COL5A2: variants seen among roughly 807,000 people sequenced by gnomAD.
The protein encoded by COL5A2 is collagen type V alpha 2 chain.
COL5A2 carries 23 observed loss-of-function variants against 208.2 expected under a neutral mutation model. The observed-to-expected ratio is 0.11, with a 90% CI of 0.08 to 0.16. COL5A2 has a LOEUF of 0.16. Among genes scored for constraint, COL5A2 ranks in the 10% least tolerant of loss-of-function variants. COL5A2 has a pLI of 1.00. For missense variants in COL5A2, 1,590 were observed against 1,956.4 expected (o/e 0.81, Z 3.53); for synonymous variants, 625 against 628.5 (o/e 0.99, Z 0.08).
chr2:189,155,171 A>T (rs1688220564), intron 1 of COL5A2, among the ~76,000 whole-genome samples: 1 of 151,660 alleles, frequency 6.6e-6, no homozygotes, highest in African/African-American at 2.4e-5. Context: ...TTTTTTTTGT[A>T]GAGACAGTAT....
intron 1 of COL5A2, among the ~76,000 whole-genome samples, chr2:189,160,703 G>A (rs1226277872): frequency 1.3e-5 from 2 of 151,798 alleles, no homozygotes; most frequent in Non-Finnish European, 2.9e-5. Flanking sequence ...TAATAATAAT[G>A]TCTTCCTACC....
chr2:189,245,474 T>C, the COL5A2 span, among the ~76,000 whole-genome samples: 4 of 139,406 alleles, frequency 2.9e-5, no homozygotes, highest in South Asian at 9.3e-4. Flanking sequence ...AATTAAGGTA[T>C]ACTCAAAATT....
At chr2:189,036,545 A>T in intron 52 of COL5A2, 71 bp downstream of exon 52, 1 of 1,321,292 alleles carries the variant, frequency 7.6e-7, no homozygotes, top group Non-Finnish European at 1.1e-6. Flanking sequence ...GCAAAGTCCT[A>T]AATAAATCAA....
chr2:189,104,929 T>A (rs572227687), intron 2 of COL5A2, among the ~76,000 whole-genome samples: 11 of 151,968 alleles, frequency 7.2e-5, no homozygotes, highest in Admixed American at 3.9e-4. Context: ...TTAATTTTTT[T>A]ATAAGATTCC....
At chr2:189,323,619 G>A in the COL5A2 span, among the ~76,000 whole-genome samples, 3 of 152,174 alleles carry the variant, frequency 2.0e-5, no homozygotes, top group African/African-American at 7.2e-5. Context: ...TACTAGGGAT[G>A]TGAAGGACCT....
chr2:189,271,235 T>C, the COL5A2 span, among the ~76,000 whole-genome samples: 1 of 152,138 alleles, frequency 6.6e-6, no homozygotes, highest in Non-Finnish European at 1.5e-5. Context: ...GCTGGAGCCA[T>C]CACGCTACCT....
rs1475564813 is a variant in COL5A2 at position 189,039,504 on chromosome 2, A to G, written c.3693T>C (p.Ala1231=). 6.2e-7 allele frequency: 1 copy of G among 1,614,094 alleles called. No individual in the cohort carries two copies. The highest frequency in any genetic ancestry group is 8.5e-7 in the Non-Finnish European group (1 of 1,180,034). Residue 1231 remains alanine (A), a synonymous_variant, in exon 51 of 54, where the codon GCT becomes GCC. Transcript: ENST00000374866. ...AGTGCCCCATGATATCCCCAAGAGC[A>G]GCTGTAAGGTGGCCAGGGGGACCCG... ...GPPGPPGHLT[A]ALGDIMGHYD...
rs534664552 is a variant in COL5A2, at chr2:189,081,280, C to T, written c.853-237G>A. Among the ~76,000 whole-genome samples, 13 of 152,060 alleles carry T rather than the reference C, an allele frequency of 8.5e-5. No homozygotes were observed. In the East Asian group the frequency reaches 2.3e-3, roughly 27 times the overall value. On this transcript the variant is annotated intron_variant, in intron 12 of 53. Transcript: ENST00000374866. The stretch of plus-strand genomic sequence containing the variant: ...ACTTATACAAGGATACAAAGTAATG[C>T]CAGGTATTGAGTTCATGACATTTTG...
rs1057522404 is a variant in COL5A2 at position 189,042,789 on chromosome 2, A to G, written c.3472-16T>C. The stretch of plus-strand genomic sequence containing the variant: ...CATTTGGACCCTAAGTAGGAATACA[A>G]TAAAAAATGTTGCCAAAATATTTGG... On this transcript the variant is annotated splice_polypyrimidine_tract_variant and intron_variant, in intron 48 of 53. Coordinates refer to ENST00000374866, the MANE Select transcript of COL5A2 (RefSeq NM_000393.5). 1.2e-6 allele frequency: 2 copies of G among 1,600,772 alleles called. No individual in the cohort carries two copies. The highest frequency in any genetic ancestry group is 2.7e-5 in the African/African-American group (2 of 74,858).
chr2:189,266,972 A>G, the COL5A2 span, among the ~76,000 whole-genome samples: 1 of 151,358 alleles, frequency 6.6e-6, no homozygotes, highest in Admixed American at 6.6e-5. Context: ...AATAAATATT[A>G]TATTAAAACA....
the COL5A2 span, among the ~76,000 whole-genome samples, chr2:189,254,201 A>G: frequency 6.6e-6 from 1 of 152,244 alleles, no homozygotes; most frequent in Non-Finnish European, 1.5e-5. Flanking sequence ...CTTTCCAAAA[A>G]GTAAAACTCA....
the COL5A2 span, among the ~76,000 whole-genome samples, chr2:189,265,496 A>G: frequency 0.011 from 1,612 of 152,222 alleles, 34 homozygotes; most frequent in African/African-American, 0.036. Context: ...CTTTTCTTAT[A>G]AAGACACCAG....
intron 1 of COL5A2, among the ~76,000 whole-genome samples, chr2:189,111,118 A>G (rs1174957266): frequency 6.6e-6 from 1 of 152,138 alleles, no homozygotes; most frequent in Non-Finnish European, 1.5e-5. Context: ...CATCAAAATT[A>G]ATTAAGGAAA....
At chr2:189,056,871 C>A (rs1053494843) in intron 35 of COL5A2, 102 bp downstream of exon 35, 1 of 1,116,170 alleles carries the variant, frequency 9.0e-7, no homozygotes. Flanking sequence ...TCCTGACTAC[C>A]AAGGAAACAT....
the COL5A2 span, among the ~76,000 whole-genome samples, chr2:189,275,155 C>G: frequency 6.6e-6 from 1 of 152,078 alleles, no homozygotes; most frequent in Non-Finnish European, 1.5e-5. Flanking sequence ...AACAGAAACA[C>G]AGTTTTTCGA....
At chr2:189,224,029 T>C (rs944343854) in intron 1 of COL5A2, among the ~76,000 whole-genome samples, 11 of 151,716 alleles carry the variant, frequency 7.3e-5, no homozygotes, top group Admixed American at 2.6e-4. Context: ...ATATATTAAA[T>C]ATGAAAATGA....
chr2:189,072,974 C>T (rs914823171), intron 17 of COL5A2, among the ~76,000 whole-genome samples: 2 of 152,046 alleles, frequency 1.3e-5, no homozygotes, highest in Admixed American at 6.6e-5. Context: ...ACTTTAGTCT[C>T]ATCAGTTTTC....
intron 1 of COL5A2, among the ~76,000 whole-genome samples, chr2:189,216,151 C>A (rs970099648): frequency 3.1e-4 from 47 of 152,210 alleles, no homozygotes; most frequent in African/African-American, 1.0e-3. Flanking sequence ...GTTAAGAAAG[C>A]AAGTCAAATT....
intron 1 of COL5A2, among the ~76,000 whole-genome samples, chr2:189,125,721 T>C (rs1219305095): frequency 1.3e-5 from 2 of 152,146 alleles, no homozygotes; most frequent in Non-Finnish European, 2.9e-5. Flanking sequence ...CATCTGTTTA[T>C]GTTACAGGTA....
Sources: gnomAD v4.1 joint callset for allele counts (sites outside exome capture counted in the v4.1 genomes callset) on GRCh38, gnomAD v4.1.1 for gene constraint, MANE v1.5 for transcripts, NCBI Gene and HGNC (gene_info 2026-07-23, HGNC 2026-07-21) for gene names.